FHIT: variants seen among roughly 807,000 people sequenced by gnomAD.
FHIT encodes the protein bis(5'-adenosyl)-triphosphatase.
In FHIT, 19 loss-of-function variants were observed where a neutral mutation model predicts 17.9. The ratio of observed to expected loss-of-function variants is 1.06; its 90% CI spans 0.74 to 1.56. The LOEUF is 1.56. Among genes scored for constraint, FHIT ranks in the 40% most tolerant of loss-of-function variants. The pLI, the probability that FHIT is intolerant of heterozygous loss-of-function variation, is 0.00. For synonymous variants in FHIT, 81 were observed against 69.7 expected, an observed-to-expected ratio of 1.16 and a Z score of -0.81; for missense variants, 248 against 189.2, an observed-to-expected ratio of 1.31 and a Z score of -1.82.
At chr3:59,945,365 A>G (rs1375533149) in intron 7 of FHIT, among the ~76,000 whole-genome samples, 2 of 151,938 alleles carry the variant, frequency 1.3e-5, no homozygotes, top group East Asian at 3.9e-4. Flanking sequence ...ACTTTTAAAT[A>G]GGGTTGTTTT....
intron 5 of FHIT, among the ~76,000 whole-genome samples, chr3:60,365,548 A>G (rs1700074565): frequency 1.3e-5 from 2 of 152,254 alleles, no homozygotes; most frequent in Middle Eastern, 3.4e-3. Flanking sequence ...GTTAAGTCAT[A>G]TTTCTTCCTT....
At chr3:60,962,006 A>G (rs946355981) in intron 3 of FHIT, among the ~76,000 whole-genome samples, 4 of 152,332 alleles carry the variant, frequency 2.6e-5, no homozygotes, top group South Asian at 2.1e-4. Context: ...TTGAATCTAT[A>G]AATTGCCTTG....
chr3:59,785,944 A>T (rs188927943), intron 8 of FHIT, among the ~76,000 whole-genome samples: 3 of 152,280 alleles, frequency 2.0e-5, no homozygotes. Flanking sequence ...AATACCTTCA[A>T]CACCCCGCTT....
chr3:59,800,986 AGTT>A (rs1489338675), intron 8 of FHIT, among the ~76,000 whole-genome samples: 4 of 152,184 alleles, frequency 2.6e-5, no homozygotes, highest in Non-Finnish European at 5.9e-5. Flanking sequence ...CATCGCAAAG[AGTT>A]GTTGTACATT....
intron 8 of FHIT, among the ~76,000 whole-genome samples, chr3:59,845,981 T>C (rs1320305874): frequency 2.0e-5 from 3 of 152,168 alleles, no homozygotes; most frequent in South Asian, 2.1e-4. Flanking sequence ...CATCACTGGT[T>C]CTAAAGTAAG....
At chr3:60,209,511 A>G (rs1347060498) in intron 5 of FHIT, among the ~76,000 whole-genome samples, 1 of 152,162 alleles carries the variant, frequency 6.6e-6, no homozygotes, top group Middle Eastern at 3.2e-3. Context: ...TTTGGTCCAG[A>G]CAATCCACCC....
intron 5 of FHIT, among the ~76,000 whole-genome samples, chr3:60,390,004 T>C (rs889511246): frequency 1.3e-5 from 2 of 152,170 alleles, no homozygotes; most frequent in Non-Finnish European, 2.9e-5. Flanking sequence ...TTTTCACACA[T>C]TCCTTCCATA....
At position 61,249,496 on chromosome 3, in the gene FHIT, T is replaced by C. The variant is rs183268394; in HGVS notation, c.-213+1805A>G. On this transcript the variant is annotated intron_variant, in intron 1 of 9. Coordinates refer to ENST00000492590, the MANE Select transcript of FHIT (RefSeq NM_002012.4). ...ATTCCAAATTCTGTAGCCAGAAAGG[T>C]TGGACTCCTCCTCAGCTCTGTAAGG... is the stretch of plus-strand genomic sequence containing the variant. Among the ~76,000 whole-genome samples, 22 of 152,266 alleles carry C rather than the reference T, an allele frequency of 1.4e-4. No homozygotes were observed. In the East Asian group the frequency reaches 4.1e-3, roughly 28 times the overall value.
chr3:59,794,232 A>G (rs572327788), intron 8 of FHIT, among the ~76,000 whole-genome samples: 1 of 152,352 alleles, frequency 6.6e-6, no homozygotes, highest in South Asian at 2.1e-4. Flanking sequence ...AACAACAGAC[A>G]TCAGACTTTC....
At chr3:61,069,100 T>C (rs183206492) in intron 2 of FHIT, among the ~76,000 whole-genome samples, 9 of 152,264 alleles carry the variant, frequency 5.9e-5, no homozygotes, top group Admixed American at 5.2e-4. Context: ...TTTTATTTTT[T>C]AATGGCAAGA....
At chr3:61,058,643 T>G (rs1187642114) in intron 2 of FHIT, among the ~76,000 whole-genome samples, 3 of 152,178 alleles carry the variant, frequency 2.0e-5, no homozygotes, top group Non-Finnish European at 4.4e-5. Flanking sequence ...CTCTTCACCT[T>G]CTACCTGAGG....
At chr3:59,849,095 G>C (rs1344086701) in intron 8 of FHIT, among the ~76,000 whole-genome samples, 1 of 152,142 alleles carries the variant, frequency 6.6e-6, no homozygotes, top group Non-Finnish European at 1.5e-5. Context: ...TCTCGGCCAG[G>C]CTCAGTGGCT....
chr3:60,436,748 G>A (rs564246955), intron 5 of FHIT, among the ~76,000 whole-genome samples: 2 of 152,100 alleles, frequency 1.3e-5, no homozygotes, highest in Non-Finnish European at 2.9e-5. Context: ...TCACAGATCT[G>A]AGCCAAAAGA....
chr3:61,135,269 G>C (rs928069443), intron 2 of FHIT, among the ~76,000 whole-genome samples: 3 of 152,176 alleles, frequency 2.0e-5, no homozygotes, highest in Non-Finnish European at 4.4e-5. Context: ...TTTGGCCTCT[G>C]CATAAAAATA....
chr3:60,471,083 A>T (rs1163294378), intron 5 of FHIT, among the ~76,000 whole-genome samples: 4 of 152,198 alleles, frequency 2.6e-5, no homozygotes, highest in Admixed American at 6.5e-5. Context: ...CTGAACTAGT[A>T]TCCAAGTTGC....
chr3:61,110,961 T>G (rs897400700), intron 2 of FHIT, among the ~76,000 whole-genome samples: 1 of 152,226 alleles, frequency 6.6e-6, no homozygotes, highest in African/African-American at 2.4e-5. Context: ...CAAGTAACTT[T>G]GATTTTTCAG....
chr3:60,586,755 T>C (rs1237098423), intron 4 of FHIT, among the ~76,000 whole-genome samples: 1 of 151,822 alleles, frequency 6.6e-6, no homozygotes, highest in Non-Finnish European at 1.5e-5. Context: ...GAAAACCAAA[T>C]ACTGCATGAG....
intron 5 of FHIT, among the ~76,000 whole-genome samples, chr3:60,300,597 T>C (rs191088218): frequency 5.1e-4 from 77 of 152,158 alleles, no homozygotes; most frequent in African/African-American, 1.7e-3. Flanking sequence ...AGATAGGAAA[T>C]GGGATGGTGC....
At chr3:59,921,108 T>C (rs923824280) in intron 8 of FHIT, among the ~76,000 whole-genome samples, 4 of 152,220 alleles carry the variant, frequency 2.6e-5, no homozygotes, top group African/African-American at 9.6e-5. Flanking sequence ...AGTACAGCTC[T>C]TGGAAAACAT....
Sources: gnomAD v4.1 joint callset for allele counts (sites outside exome capture counted in the v4.1 genomes callset) on GRCh38, gnomAD v4.1.1 for gene constraint, MANE v1.5 for transcripts, NCBI Gene and HGNC (gene_info 2026-07-23, HGNC 2026-07-21) for gene names.